The following DCC variants were observed in gnomAD, a reference collection of about 807,000 sequenced individuals.
DCC encodes netrin receptor DCC.
Under a neutral mutation model 172.5 loss-of-function variants are expected in DCC, and 58 were observed. The ratio of observed to expected loss-of-function variants is 0.34; its 90% CI spans 0.27 to 0.42. The LOEUF (loss-of-function observed/expected upper bound fraction) is 0.42, where lower values mean the gene tolerates loss of function less well. Ranked by LOEUF, DCC falls within the 10% of genes least tolerant of loss-of-function variation. The pLI, the probability that DCC is intolerant of heterozygous loss-of-function variation, is 1.00. For synonymous variants in DCC, 709 were observed against 644.5 expected (o/e 1.10, Z -1.52); for missense variants, 1,740 against 1,791.0 (o/e 0.97, Z 0.51).
rs566086780 is a variant in DCC at position 53,408,064 on chromosome 18, T to C, written c.2936-2388T>C. On this transcript the variant is annotated intron_variant, in intron 19 of 28. Coordinates refer to ENST00000442544, the MANE Select transcript of DCC (RefSeq NM_005215.4). ...CTCAAGATATTCATATTTTCATCATTGACATCACAACAAATGCCAAAAATG... is the reference window on the plus strand; with the variant it reads ...CTCAAGATATTCATATTTTCATCATCGACATCACAACAAATGCCAAAAATG... 3.7e-4 allele frequency among the ~76,000 whole-genome samples: 57 copies of C among 152,348 alleles called. 1 individual carries two copies. In the South Asian group the frequency reaches 0.012, roughly 31 times the overall value.
At chr18:53,485,775 A>AT (rs2144356283) in intron 25 of DCC, among the ~76,000 whole-genome samples, 1 of 152,206 alleles carries the variant, frequency 6.6e-6, no homozygotes, top group East Asian at 1.9e-4. Flanking sequence ...GTTGCTTCTC[A>AT]TTGAGTTACA....
At chr18:52,689,539 G>A (rs1751741284) in intron 1 of DCC, among the ~76,000 whole-genome samples, 1 of 152,082 alleles carries the variant, frequency 6.6e-6, no homozygotes, top group Admixed American at 6.6e-5. Flanking sequence ...TAAGGCTAGG[G>A]ACCCTATGCT....
intron 2 of DCC, among the ~76,000 whole-genome samples, chr18:52,798,648 G>GA (rs1207010596): frequency 6.6e-6 from 1 of 152,068 alleles, no homozygotes; most frequent in Non-Finnish European, 1.5e-5. Flanking sequence ...GTTAGGCTAG[G>GA]AAAAAAACCT....
At chr18:53,303,194 T>A (rs770018375) in intron 12 of DCC, among the ~76,000 whole-genome samples, 1 of 152,242 alleles carries the variant, frequency 6.6e-6, no homozygotes, top group Non-Finnish European at 1.5e-5. Flanking sequence ...TTTTGAGAGA[T>A]TTCTTTTAAT....
chr18:53,050,530 G>A (rs1486046288), intron 5 of DCC, among the ~76,000 whole-genome samples: 5 of 151,982 alleles, frequency 3.3e-5, no homozygotes, highest in Admixed American at 2.0e-4. Context: ...TATTCTTTTT[G>A]TGGCAATTCT....
Position 53,531,032 on chromosome 18 carries a change from A to C in DCC, c.*379A>C. 1 of 345,430 alleles carries C rather than the reference A, an allele frequency of 2.9e-6. No individual in the cohort carries two copies. The highest frequency in any genetic ancestry group is 2.7e-5 in the South Asian group (1 of 37,722). 21.4% of individuals were successfully genotyped at this position (345,430 alleles called of 1,614,324 possible). ...TGTAGGTCTAGTCTTACAAAATGCA[A>C]GTGCATTATTTAAGCCTGTACCATG... On this transcript the variant is annotated 3_prime_UTR_variant, in exon 29 of 29. Coordinates refer to ENST00000442544, the MANE Select transcript of DCC (RefSeq NM_005215.4).
chr18:53,004,221 G>T (rs988497190), intron 5 of DCC, among the ~76,000 whole-genome samples: 1 of 152,154 alleles, frequency 6.6e-6, no homozygotes, highest in African/African-American at 2.4e-5. Context: ...TTCTGTGTAT[G>T]TCCAAAACTA....
chr18:52,686,680 A>G (rs1365571146), intron 1 of DCC, among the ~76,000 whole-genome samples: 18 of 152,150 alleles, frequency 1.2e-4, no homozygotes, highest in Non-Finnish European at 1.5e-5. Flanking sequence ...TGAGGAGCAC[A>G]AATCAATTGA....
intron 5 of DCC, among the ~76,000 whole-genome samples, chr18:53,025,911 A>G (rs1259282153): frequency 6.6e-6 from 1 of 151,938 alleles, no homozygotes; most frequent in Admixed American, 6.6e-5. Flanking sequence ...TAAAATAAAT[A>G]TAATTTATTT....
At chr18:52,978,745 C>A (rs957202314) in intron 5 of DCC, among the ~76,000 whole-genome samples, 2 of 152,164 alleles carry the variant, frequency 1.3e-5, no homozygotes, top group African/African-American at 4.8e-5. Flanking sequence ...TTTACAGTCT[C>A]CTATCCATTG....
chr18:53,345,138 A>G (rs2057708930), intron 15 of DCC, among the ~76,000 whole-genome samples: 1 of 151,516 alleles, frequency 6.6e-6, no homozygotes, highest in Admixed American at 6.6e-5. Flanking sequence ...TAATTTTTAT[A>G]TATTATAAAC....
chr18:52,370,474 A>G (rs1388820394), intron 1 of DCC, among the ~76,000 whole-genome samples: 1 of 152,216 alleles, frequency 6.6e-6, no homozygotes, highest in East Asian at 1.9e-4. Flanking sequence ...CAGGAAACCA[A>G]ACACCACATG....
At chr18:53,397,891 C>T (rs557032710) in intron 18 of DCC, among the ~76,000 whole-genome samples, 1 of 152,174 alleles carries the variant, frequency 6.6e-6, no homozygotes, top group South Asian at 2.1e-4. Context: ...CTGTGAATAA[C>T]CTTGGCTGGA....
intron 1 of DCC, among the ~76,000 whole-genome samples, chr18:52,426,959 C>CA (rs1987449270): frequency 6.6e-6 from 1 of 152,100 alleles, no homozygotes; most frequent in Admixed American, 6.6e-5. Context: ...CAAATCCTGA[C>CA]AATAGTTCTA....
At chr18:52,954,989 C>T (rs1011846399) in intron 5 of DCC, among the ~76,000 whole-genome samples, 2 of 152,140 alleles carry the variant, frequency 1.3e-5, no homozygotes, top group African/African-American at 4.8e-5. Flanking sequence ...GCACATCCTT[C>T]CTCACTATGA....
At chr18:52,647,658 A>T (rs1354942422) in intron 1 of DCC, among the ~76,000 whole-genome samples, 1 of 152,236 alleles carries the variant, frequency 6.6e-6, no homozygotes, top group Non-Finnish European at 1.5e-5. Flanking sequence ...CCATACAAAA[A>T]TGCTAAAAAT....
intron 17 of DCC, among the ~76,000 whole-genome samples, chr18:53,392,639 A>G (rs1215855480): frequency 6.6e-6 from 1 of 152,360 alleles, no homozygotes; most frequent in East Asian, 1.9e-4. Context: ...ATGTTAGTAT[A>G]TATAGACAAT....
At chr18:53,244,977 G>A (rs184865347) in intron 12 of DCC, among the ~76,000 whole-genome samples, 46 of 152,150 alleles carry the variant, frequency 3.0e-4, no homozygotes, top group African/African-American at 1.1e-3. Context: ...CAATCTAAAT[G>A]TGAATTAGCA....
intron 20 of DCC, among the ~76,000 whole-genome samples, chr18:53,411,199 G>A (rs913347598): frequency 4.6e-5 from 7 of 152,130 alleles, no homozygotes; most frequent in Non-Finnish European, 1.0e-4. Context: ...CTGAATAGTA[G>A]TGATTACATC....
Sources: gnomAD v4.1 joint callset for allele counts (sites outside exome capture counted in the v4.1 genomes callset) on GRCh38, gnomAD v4.1.1 for gene constraint, MANE v1.5 for transcripts, NCBI Gene and HGNC (gene_info 2026-07-23, HGNC 2026-07-21) for gene names.